The following CAST variants were observed in gnomAD, a reference collection of about 807,000 sequenced individuals.
CAST encodes the protein calpastatin.
A neutral mutation model predicts 119.6 loss-of-function variants in CAST; 76 were observed. The ratio of observed to expected loss-of-function variants is 0.64; its 90% confidence interval spans 0.53 to 0.77. The LOEUF (loss-of-function observed/expected upper bound fraction) is 0.77. CAST is among the 30% of genes least tolerant of loss of function. The pLI is 0.00. For synonymous variants in CAST, 319 were observed against 331.6 expected (o/e 0.96, Z 0.41); for missense variants, 953 against 946.5 (o/e 1.01, Z -0.09).
intron 1 of CAST, among the ~76,000 whole-genome samples, chr5:96,606,748 T>G (rs1415887115): frequency 6.6e-6 from 1 of 152,238 alleles, no homozygotes; most frequent in Non-Finnish European, 1.5e-5. Flanking sequence ...GTGCCACCTG[T>G]GCCCAACTTG....
At chr5:96,601,736 T>A (rs760596642) in intron 1 of CAST, among the ~76,000 whole-genome samples, 1 of 152,230 alleles carries the variant, frequency 6.6e-6, no homozygotes, top group Non-Finnish European at 1.5e-5. Context: ...TCAGGATACA[T>A]CTTACCCTCT....
chr5:96,405,081 G>T, the CAST span, among the ~76,000 whole-genome samples: 1 of 152,086 alleles, frequency 6.6e-6, no homozygotes, highest in Non-Finnish European at 1.5e-5. Context: ...ATTCAGCTTT[G>T]GTATAGACAA....
At chr5:96,570,687 C>T (rs1746552535) in intron 1 of CAST, among the ~76,000 whole-genome samples, 1 of 152,104 alleles carries the variant, frequency 6.6e-6, no homozygotes, top group Non-Finnish European at 1.5e-5. Context: ...TTTTTCCAAG[C>T]AACTTCGGTA....
the CAST span, among the ~76,000 whole-genome samples, chr5:96,509,782 G>C: frequency 6.6e-6 from 1 of 152,172 alleles, no homozygotes; most frequent in Non-Finnish European, 1.5e-5. Context: ...TTTTTCATGT[G>C]AGAAATTTCT....
intron 16 of CAST, chr5:96,743,706 G>A (rs372521458): frequency 3.3e-5 from 53 of 1,610,452 alleles, no homozygotes; most frequent in Middle Eastern, 1.6e-4. Flanking sequence ...GACGGTGAAC[G>A]CAGAGGAGCA....
At chr5:96,335,038 T>C in the CAST span, among the ~76,000 whole-genome samples, 35 of 152,278 alleles carry the variant, frequency 2.3e-4, no homozygotes, top group African/African-American at 8.4e-4. Context: ...CAGTTACACA[T>C]GCCAAGACCA....
chr5:96,542,787 A>G (rs1745937854), intron 1 of CAST, among the ~76,000 whole-genome samples: 1 of 152,232 alleles, frequency 6.6e-6, no homozygotes, highest in Admixed American at 6.5e-5. Context: ...ATACGAAAAA[A>G]AGCTCATTAT....
the CAST span, among the ~76,000 whole-genome samples, chr5:96,339,425 A>G: frequency 1.3e-5 from 2 of 152,230 alleles, no homozygotes; most frequent in African/African-American, 4.8e-5. Flanking sequence ...TGTAAGTTCA[A>G]GTTATTGCCA....
the CAST span, among the ~76,000 whole-genome samples, chr5:96,369,231 T>C: frequency 5.9e-5 from 9 of 152,016 alleles, no homozygotes; most frequent in Non-Finnish European, 1.2e-4. Flanking sequence ...GATTATTACA[T>C]AAATCTCTTT....
chr5:96,285,334 A>C, the CAST span, among the ~76,000 whole-genome samples: 1 of 152,228 alleles, frequency 6.6e-6, no homozygotes, highest in African/African-American at 2.4e-5. Context: ...ATAGCTAAGG[A>C]GGATAGTATT....
At chr5:96,255,083 G>A in the CAST span, among the ~76,000 whole-genome samples, 1 of 152,052 alleles carries the variant, frequency 6.6e-6, no homozygotes, top group Non-Finnish European at 1.5e-5. Flanking sequence ...CCTACCATAA[G>A]CTTAATGACT....
At chr5:96,392,811 A>T in the CAST span, 1 of 657,064 alleles carries the variant, frequency 1.5e-6, no homozygotes, top group South Asian at 1.8e-5. Flanking sequence ...CCTATGATCA[A>T]TTCTGGAAGT....
chr5:96,298,193 C>T, the CAST span, among the ~76,000 whole-genome samples: 17 of 152,192 alleles, frequency 1.1e-4, no homozygotes, highest in African/African-American at 3.6e-4. Flanking sequence ...GGTGCAAAAC[C>T]TGTAAGCCAC....
At chr5:96,735,613 C>T (rs1228897856) in intron 9 of CAST, among the ~76,000 whole-genome samples, 2 of 152,214 alleles carry the variant, frequency 1.3e-5, no homozygotes, top group Non-Finnish European at 2.9e-5. Flanking sequence ...GGGAGAGATG[C>T]TCCAAGGGTC....
chr5:96,560,053 A>G (rs544697933), intron 1 of CAST, among the ~76,000 whole-genome samples: 155 of 151,946 alleles, frequency 1.0e-3, no homozygotes, highest in Admixed American at 3.4e-3. Context: ...ATAATGCCAC[A>G]TATCTACAAC....
the CAST span, among the ~76,000 whole-genome samples, chr5:96,159,782 A>T: frequency 3.3e-5 from 5 of 152,166 alleles, no homozygotes; most frequent in African/African-American, 1.2e-4. Flanking sequence ...TGAATGGAGA[A>T]GCTGTTTGTT....
chr5:96,303,459 CATTT>C, the CAST span, among the ~76,000 whole-genome samples: 1 of 151,936 alleles, frequency 6.6e-6, no homozygotes, highest in Non-Finnish European at 1.5e-5. Context: ...ATTTGAATGC[CATTT>C]ATTTATTTAT....
intron 1 of CAST, among the ~76,000 whole-genome samples, chr5:96,608,212 C>T (rs1002034842): frequency 1.3e-5 from 2 of 152,112 alleles, no homozygotes; most frequent in South Asian, 2.1e-4. Context: ...TCTCTCTGTG[C>T]CTGGTTTATT....
chr5:96,128,263 T>G, the CAST span, among the ~76,000 whole-genome samples: 1 of 152,080 alleles, frequency 6.6e-6, no homozygotes, highest in Non-Finnish European at 1.5e-5. Flanking sequence ...CACAGAAGCA[T>G]AATATTTTCT....
Sources: allele counts gnomAD v4.1 joint callset (sites outside exome capture counted in the v4.1 genomes callset), GRCh38; gene constraint gnomAD v4.1.1; transcripts MANE v1.5; gene names NCBI Gene and HGNC (gene_info 2026-07-23, HGNC 2026-07-21).